SLC24A2: variants seen among roughly 807,000 people sequenced by gnomAD.
SLC24A2 encodes the protein solute carrier family 24 member 2.
In SLC24A2, 36 loss-of-function variants were observed where a neutral mutation model predicts 62.0. The observed-to-expected ratio is 0.58, with a 90% CI of 0.44 to 0.77. The LOEUF (loss-of-function observed/expected upper bound fraction) is 0.77, where lower values mean the gene tolerates loss of function less well. SLC24A2 is among the 30% of genes least tolerant of loss of function. The probability of loss-of-function intolerance (pLI) is 0.00; values close to 1 mark genes in which losing one functional copy is unlikely to be tolerated. For synonymous variants in SLC24A2, 358 were observed against 294.0 expected, an observed-to-expected ratio of 1.22 and a Z score of -2.23; for missense variants, 846 against 817.9, an observed-to-expected ratio of 1.03 and a Z score of -0.42.
At chr9:19,970,158 T>C in the SLC24A2 span, among the ~76,000 whole-genome samples, 1 of 152,154 alleles carries the variant, frequency 6.6e-6, no homozygotes, top group African/African-American at 2.4e-5. Context: ...ACCACAGATA[T>C]GACCAGGTAG....
At chr9:19,834,367 G>A in the SLC24A2 span, among the ~76,000 whole-genome samples, 27 of 152,248 alleles carry the variant, frequency 1.8e-4, no homozygotes, top group Admixed American at 1.7e-3. Context: ...AACCAATGCA[G>A]AGAAGTCCTT....
At position 19,766,491 on chromosome 9, in the gene SLC24A2, A is replaced by G. The variant is rs542941383; in HGVS notation, c.930+19446T>C. Among the ~76,000 whole-genome samples, 9 of 152,256 alleles carry G rather than the reference A, an allele frequency of 5.9e-5. 1 individual carries two copies. The South Asian group carries it at 1.4e-3, about 25-fold the overall frequency. ...CTTCAGATGGAGTTTTTGCATGGTC[A>G]TCCTTTTTATTGATGTTGATGCTAT... On this transcript the variant is annotated intron_variant, in intron 2 of 10. Transcript: ENST00000341998.
the SLC24A2 span, among the ~76,000 whole-genome samples, chr9:20,140,130 A>G: frequency 1.3e-5 from 2 of 152,182 alleles, no homozygotes; most frequent in Non-Finnish European, 2.9e-5. Context: ...AGATGCGGCG[A>G]GAGAGTTGTT....
chr9:20,239,713 C>G, the SLC24A2 span, among the ~76,000 whole-genome samples: 6 of 152,290 alleles, frequency 3.9e-5, no homozygotes, highest in Admixed American at 1.3e-4. Flanking sequence ...CTTTAGATAC[C>G]TGAACTGTAT....
intron 2 of SLC24A2, among the ~76,000 whole-genome samples, chr9:19,679,145 AG>A (rs1157335385): frequency 6.6e-6 from 1 of 152,190 alleles, no homozygotes; most frequent in Non-Finnish European, 1.5e-5. Flanking sequence ...GCATTATTAT[AG>A]GCCAGCTTGT....
the SLC24A2 span, among the ~76,000 whole-genome samples, chr9:20,031,081 G>C: frequency 3.3e-5 from 5 of 151,652 alleles, no homozygotes; most frequent in Non-Finnish European, 1.5e-5. Flanking sequence ...AATATAGAGA[G>C]AGATATGGAT....
the SLC24A2 span, among the ~76,000 whole-genome samples, chr9:20,161,702 A>C: frequency 1.3e-5 from 2 of 151,334 alleles, no homozygotes; most frequent in African/African-American, 2.4e-5. Flanking sequence ...AGAATGATGC[A>C]TATTTCTTCA....
the SLC24A2 span, among the ~76,000 whole-genome samples, chr9:20,211,125 C>G: frequency 6.6e-6 from 1 of 151,422 alleles, no homozygotes. Flanking sequence ...AAAAAAGAGA[C>G]AAAGTTTGAA....
At chr9:20,094,268 GC>G in the SLC24A2 span, among the ~76,000 whole-genome samples, 4 of 152,136 alleles carry the variant, frequency 2.6e-5, no homozygotes, top group African/African-American at 9.7e-5. Flanking sequence ...TGAGTTGCAA[GC>G]TAAAGTAACC....
At chr9:19,970,186 G>C in the SLC24A2 span, among the ~76,000 whole-genome samples, 69 of 152,242 alleles carry the variant, frequency 4.5e-4, 1 homozygote, top group East Asian at 0.012. Flanking sequence ...ATTGCAAGGT[G>C]AATGAGGAGG....
the SLC24A2 span, among the ~76,000 whole-genome samples, chr9:20,298,861 TCTC>T: frequency 2.2e-4 from 33 of 152,306 alleles, no homozygotes; most frequent in African/African-American, 7.7e-4. Context: ...CCTTTGCCCT[TCTC>T]CTTACTAGAG....
rs1564009978 is a variant in SLC24A2 at position 19,636,373 on chromosome 9, T to TTCTG, written c.931-14075_931-14074insCAGA. Among the ~76,000 whole-genome samples the TTCTG allele has an allele frequency of 1.0e-4, 3 of 29,562 alleles. 1 individual carries two copies. The highest frequency in any genetic ancestry group is 1.9e-4 in the Non-Finnish European group (3 of 15,642). 19.4% of individuals were successfully genotyped at this position (29,562 alleles called of 152,430 possible). A position where few individuals can be genotyped will look rare whatever the true frequency, so the allele number is the denominator to read the frequency against. ...TTTCTTTCTTTCTTTCTTTCTTTCT[T>TTCTG]TCTTTCTTTCTTTCTCCCTCTCTCT... On this transcript the variant is annotated intron_variant, in intron 2 of 10. Transcript: ENST00000341998.
At chr9:19,555,862 T>A (rs772405539) in intron 7 of SLC24A2, among the ~76,000 whole-genome samples, 1 of 152,114 alleles carries the variant, frequency 6.6e-6, no homozygotes, top group Non-Finnish European at 1.5e-5. Flanking sequence ...GGAGAATCAC[T>A]TGAACCCGGG....
At chr9:19,738,701 A>G (rs1427222735) in intron 2 of SLC24A2, among the ~76,000 whole-genome samples, 1 of 152,196 alleles carries the variant, frequency 6.6e-6, no homozygotes, top group African/African-American at 2.4e-5. Context: ...TTGATGTACA[A>G]TTAGGTTGTT....
At chr9:19,797,275 G>C in the SLC24A2 span, among the ~76,000 whole-genome samples, 2 of 152,118 alleles carry the variant, frequency 1.3e-5, no homozygotes, top group Non-Finnish European at 2.9e-5. Flanking sequence ...GTAGGTGTTC[G>C]ATAAGTATCT....
At chr9:19,953,863 T>C in the SLC24A2 span, among the ~76,000 whole-genome samples, 1 of 152,042 alleles carries the variant, frequency 6.6e-6, no homozygotes, top group East Asian at 1.9e-4. Context: ...TTATCAAAGA[T>C]ATGATGTTAT....
chr9:20,079,237 G>A, the SLC24A2 span, among the ~76,000 whole-genome samples: 3 of 152,098 alleles, frequency 2.0e-5, no homozygotes, highest in East Asian at 1.9e-4. Context: ...TTGGACTTCC[G>A]GCCTTCAGAA....
chr9:20,107,978 C>A, the SLC24A2 span, among the ~76,000 whole-genome samples: 1 of 152,162 alleles, frequency 6.6e-6, no homozygotes, highest in East Asian at 1.9e-4. Context: ...CCAGAATCTA[C>A]AATGAACTCA....
the SLC24A2 span, among the ~76,000 whole-genome samples, chr9:20,106,193 G>A: frequency 1.3e-5 from 2 of 152,182 alleles, no homozygotes; most frequent in East Asian, 1.9e-4. Context: ...ATCTGAAATT[G>A]TGGCAATAAT....
Sources: allele counts gnomAD v4.1 joint callset (sites outside exome capture counted in the v4.1 genomes callset), GRCh38; gene constraint gnomAD v4.1.1; transcripts MANE v1.5; gene names NCBI Gene and HGNC (gene_info 2026-07-23, HGNC 2026-07-21).